The following IQSEC1 variants were observed in gnomAD, a reference collection of about 807,000 sequenced individuals.
The protein encoded by IQSEC1 is IQ motif and Sec7 domain ArfGEF 1.
IQSEC1 carries 31 observed loss-of-function variants against 91.0 expected under a neutral mutation model. The observed-to-expected ratio is 0.34, with a 90% CI of 0.26 to 0.46. The LOEUF (loss-of-function observed/expected upper bound fraction) is 0.46, where lower values mean the gene tolerates loss of function less well. Ranked by LOEUF, IQSEC1 falls within the 20% of genes least tolerant of loss-of-function variation. The pLI, the probability that IQSEC1 is intolerant of heterozygous loss-of-function variation, is 1.00. For missense variants in IQSEC1, 1,388 were observed against 1,575.6 expected (o/e 0.88, Z 2.02); for synonymous variants, 699 against 662.6 (o/e 1.05, Z -0.84).
At chr3:13,182,717 G>A (rs905247656) in intron 1 of IQSEC1, among the ~76,000 whole-genome samples, 5 of 152,010 alleles carry the variant, frequency 3.3e-5, no homozygotes, top group South Asian at 4.2e-4. Context: ...AGAGGAAATC[G>A]CAAGGGAAAT....
intron 1 of IQSEC1, among the ~76,000 whole-genome samples, chr3:13,046,869 T>C (rs1186183828): frequency 6.6e-6 from 1 of 152,348 alleles, no homozygotes; most frequent in East Asian, 1.9e-4. Flanking sequence ...AGTCTGCCTG[T>C]CACTTGTCTT....
intron 1 of IQSEC1, among the ~76,000 whole-genome samples, chr3:13,261,415 G>A (rs758188909): frequency 1.3e-5 from 2 of 152,138 alleles, no homozygotes; most frequent in African/African-American, 4.8e-5. Context: ...CATGCCCCTC[G>A]ATGCCCCCTC....
At position 12,924,470 on chromosome 3, in the gene IQSEC1, CAT is replaced by C; in HGVS notation, c.1730+109_1730+110del. On this transcript the variant is annotated intron_variant, in intron 4 of 13. Transcript: ENST00000613206. The surrounding 1 kb of genome is among the most constrained non-coding windows in gnomAD (Gnocchi z 6.3). ...GGAAGAGAGAAAGGGGGGCCCACCA[CAT>C]GTCCCAGCAAGTAGGGTGGGCCTGG... The C allele has an allele frequency of 8.9e-7, 1 of 1,120,778 alleles. No homozygotes were observed. The highest frequency in any genetic ancestry group is 1.2e-6 in the Non-Finnish European group (1 of 802,730). The allele number at this position is 1,120,778 out of a possible 1,614,324, so 69.4% of individuals were successfully genotyped here.
intron 1 of IQSEC1, among the ~76,000 whole-genome samples, chr3:13,227,527 A>G (rs146213614): frequency 5.3e-5 from 8 of 152,162 alleles, no homozygotes; most frequent in African/African-American, 1.9e-4. Context: ...ATAGTGACAC[A>G]TCGTGCAGGG....
rs767241790 is a variant in IQSEC1 at position 12,941,698 on chromosome 3, C to T, written c.191G>A (p.Arg64His). Reference sequence around the variant, plus strand: ...GTGCTGCAGCTTGGGCCTCCGCGTGCGCTGCTGTTGCCCCGGCGGCCCCGA... The same window carrying T: ...GTGCTGCAGCTTGGGCCTCCGCGTGTGCTGCTGTTGCCCCGGCGGCCCCGA... Reference protein sequence around the residue: ...LYSGPPGQQQRTRRPKLQHST... With the variant: ...LYSGPPGQQQHTRRPKLQHST... The change falls in exon 2 of 14, where the codon CGC (arginine) becomes CAC (histidine). Residue 64 changes from arginine (R) to histidine (H), a missense_variant. Arg to His is a conservative substitution (Grantham distance 29, BLOSUM62 0). Transcript: ENST00000613206. The T allele has an allele frequency of 7.4e-6, 12 of 1,612,698 alleles. No homozygotes were observed. The highest frequency in any genetic ancestry group is 2.2e-5 in the South Asian group (2 of 91,064).
intron 1 of IQSEC1, among the ~76,000 whole-genome samples, chr3:13,060,464 C>T (rs1440304290): frequency 1.3e-5 from 2 of 152,154 alleles, no homozygotes; most frequent in Non-Finnish European, 2.9e-5. Context: ...AGAGGGGTGA[C>T]CAGCTCCTGC....
intron 1 of IQSEC1, among the ~76,000 whole-genome samples, chr3:13,194,411 C>A (rs544082609): frequency 1.3e-5 from 2 of 152,126 alleles, no homozygotes; most frequent in African/African-American, 4.8e-5. Flanking sequence ...CTGGGGACAC[C>A]GCCTGTCCCC....
chr3:13,244,583 T>G (rs952546883), intron 1 of IQSEC1, among the ~76,000 whole-genome samples: 2 of 152,122 alleles, frequency 1.3e-5, no homozygotes, highest in African/African-American at 4.8e-5. Flanking sequence ...GTCTATTGAT[T>G]TCAAAAAATG....
intron 1 of IQSEC1, among the ~76,000 whole-genome samples, chr3:13,203,867 C>T (rs1237994375): frequency 6.6e-6 from 1 of 152,228 alleles, no homozygotes; most frequent in African/African-American, 2.4e-5. Flanking sequence ...ACGTGCGGGG[C>T]CCTGAGCGTG....
chr3:12,939,428 G>A (rs1698546637), intron 2 of IQSEC1, among the ~76,000 whole-genome samples: 2 of 152,216 alleles, frequency 1.3e-5, no homozygotes, highest in African/African-American at 4.8e-5. Flanking sequence ...GGCACAGTGG[G>A]TCAGGGGCCA....
Position 12,940,034 on chromosome 3 carries a change from C to T in IQSEC1, c.318+1537G>A, listed in dbSNP as rs1342555427. ...AATAGCTGCAGTCCTATTAGGCCCACAGTAAGCATATAATTCTCTTCAAAG... is the reference window on the plus strand; with the variant it reads ...AATAGCTGCAGTCCTATTAGGCCCATAGTAAGCATATAATTCTCTTCAAAG... On this transcript the variant is annotated intron_variant, in intron 2 of 13. Transcript: ENST00000613206. This position sits in a 1 kb window ranked among gnomAD's most constrained non-coding sequence, Gnocchi z 4.4. Among the ~76,000 whole-genome samples the T allele has an allele frequency of 2.0e-5, 3 of 152,230 alleles. No individual in the cohort carries two copies. The highest frequency in any genetic ancestry group is 7.2e-5 in the African/African-American group (3 of 41,462).
chr3:13,006,165 G>A lies in IQSEC1; in HGVS notation c.24-64300C>T, dbSNP rs569987086. ...CATCCTGGTACCCAGGCCTCTCCTG[G>A]GTAGCCCCCTCCTCCCACCTGAGCT... On this transcript the variant is annotated intron_variant, in intron 1 of 13. Coordinates refer to ENST00000613206, the MANE Select transcript of IQSEC1 (RefSeq NM_001134382.3). Among the ~76,000 whole-genome samples the A allele has an allele frequency of 6.6e-5, 10 of 152,122 alleles. No homozygotes were observed. The South Asian group carries it at 2.1e-3, about 32-fold the overall frequency.
rs572706763 is a variant in IQSEC1 at position 13,236,052 on chromosome 3, C to A, written c.272+46659G>T. Among the ~76,000 whole-genome samples, 12 of 152,222 alleles carry A rather than the reference C, an allele frequency of 7.9e-5. No homozygotes were observed. The South Asian group carries it at 2.5e-3, about 32-fold the overall frequency. On this transcript the variant is annotated intron_variant, in intron 1 of 15. Coordinates refer to the IQSEC1 transcript ENST00000648114. ...ATGGATCTTGCCCCATGGGGCCTTA[C>A]GAGATAGATGTATGAATGCCGGGCC...
chr3:13,229,332 C>T (rs769981905), intron 1 of IQSEC1, among the ~76,000 whole-genome samples: 14 of 152,218 alleles, frequency 9.2e-5, no homozygotes, highest in Non-Finnish European at 1.8e-4. Flanking sequence ...ATAACAGCTA[C>T]TGCATAAATG....
rs921629585 is a variant in IQSEC1 at position 12,967,584 on chromosome 3, C to G, written c.24-25719G>C. 5.8e-5 allele frequency: 77 copies of G among 1,319,714 alleles called. No homozygotes were observed. Among genetic ancestry groups the G allele is most frequent in the Non-Finnish European group, 7.2e-5 (75 of 1,041,206 alleles). The allele number at this position is 1,319,714 out of a possible 1,614,324, so 81.8% of individuals were successfully genotyped here. ...CCCGGAGACCCGACCACCCGCCACG[C>G]GATCACGTCGGGGCTCCTGGTCCAG... On this transcript the variant is annotated intron_variant, in intron 1 of 13. Coordinates refer to ENST00000613206, the MANE Select transcript of IQSEC1 (RefSeq NM_001134382.3). This position sits in a 1 kb window ranked among gnomAD's most constrained non-coding sequence, Gnocchi z 5.9.
At chr3:13,040,972 A>G (rs936985854) in intron 1 of IQSEC1, among the ~76,000 whole-genome samples, 38 of 151,848 alleles carry the variant, frequency 2.5e-4, no homozygotes, top group African/African-American at 8.7e-4. Flanking sequence ...GCATGGACTG[A>G]GACTGTAGAC....
chr3:13,098,219 A>T (rs545055070), intron 2 of IQSEC1, among the ~76,000 whole-genome samples: 2 of 152,378 alleles, frequency 1.3e-5, no homozygotes, highest in African/African-American at 4.8e-5. Context: ...CACAGCAGAG[A>T]TCAAAACAAG....
chr3:12,912,560 A>G (rs1176268845), intron 9 of IQSEC1, among the ~76,000 whole-genome samples: 1 of 148,870 alleles, frequency 6.7e-6, no homozygotes, highest in Non-Finnish European at 1.5e-5. Context: ...GCTACTCGGG[A>G]GGCTGAGGCA....
In IQSEC1 at chr3:12,970,660, C is replaced by G. The variant is rs549455748; in HGVS notation, c.24-28795G>C. The stretch of plus-strand genomic sequence containing the variant: ...TGCCCACTCTATGCCTGCCACACCT[C>G]CAGCAACACTAAGCTTCTTTCAGTT... On this transcript the variant is annotated intron_variant, in intron 1 of 13. Transcript: ENST00000613206. This position sits in a 1 kb window ranked among gnomAD's most constrained non-coding sequence, Gnocchi z 4.4. 3.9e-5 allele frequency among the ~76,000 whole-genome samples: 6 copies of G among 152,288 alleles called. No homozygotes were observed. In the South Asian group the frequency reaches 1.0e-3, roughly 26 times the overall value.
Sources: allele counts gnomAD v4.1 joint callset (sites outside exome capture counted in the v4.1 genomes callset), GRCh38; gene constraint gnomAD v4.1.1; non-coding constraint Gnocchi (gnomAD v3.1); transcripts MANE v1.5; gene names NCBI Gene and HGNC (gene_info 2026-07-23, HGNC 2026-07-21).